The following SPACA6 variants were observed in gnomAD, a reference collection of about 807,000 sequenced individuals.
The protein encoded by SPACA6 is sperm acrosome associated 6.
For missense variants in SPACA6, 8 were observed against 2.8 expected, an observed-to-expected ratio of 2.88 and a Z score of -1.34; for synonymous variants, 6 against 1.5, an observed-to-expected ratio of 4.05 and a Z score of -2.21.
intron 2 of SPACA6, among the ~76,000 whole-genome samples, chr19:51,696,680 C>A (rs1384429691): frequency 6.6e-6 from 1 of 152,056 alleles, no homozygotes; most frequent in Non-Finnish European, 1.5e-5. Context: ...AACTCCTGGG[C>A]TCAAGTGATC....
downstream of SPACA6, among the ~76,000 whole-genome samples, chr19:51,709,531 C>CAAAAAAAA (rs56170768): frequency 1.7e-4 from 9 of 54,466 alleles, no homozygotes; most frequent in African/African-American, 6.3e-4. Flanking sequence ...AAAAAAAAGG[C>CAAAAAAAA]AAAAAAAAAA....
intron 2 of SPACA6, among the ~76,000 whole-genome samples, chr19:51,699,070 G>A (rs574132490): frequency 6.6e-6 from 1 of 152,294 alleles, no homozygotes; most frequent in Admixed American, 6.5e-5. Flanking sequence ...GAGGGCAGTG[G>A]TGCAATCATA....
At chr19:51,683,813 A>C in the SPACA6 span, among the ~76,000 whole-genome samples, 1 of 152,330 alleles carries the variant, frequency 6.6e-6, no homozygotes. Context: ...ACTGATGATG[A>C]AACTGAGACA....
intron 8 of SPACA6, 74 bp from the exon 9 acceptor site, chr19:51,705,016 G>C (rs1199625605): frequency 1.2e-5 from 3 of 248,964 alleles, no homozygotes; most frequent in Non-Finnish European, 1.9e-5. Flanking sequence ...TTTGACCCTG[G>C]TGTCCAGGCT....
chr19:51,706,752 C>A (rs1316648502), downstream of SPACA6, among the ~76,000 whole-genome samples: 1 of 152,112 alleles, frequency 6.6e-6, no homozygotes, highest in African/African-American at 2.4e-5. Flanking sequence ...CTCCACCTCC[C>A]GGGTTCAAGC....
At chr19:51,712,030 T>A (rs80072144) in intron 2 of SPACA6, 1 of 152,284 alleles carries the variant, frequency 6.6e-6, no homozygotes, top group East Asian at 1.9e-4. Context: ...TTCTTTTTTT[T>A]AGATGGAGTC....
chr19:51,692,878 G>A (rs369631196), upstream of SPACA6: 122 of 534,052 alleles, frequency 2.3e-4, 1 homozygote, highest in African/African-American at 1.7e-3. The surrounding 1 kb of genome is among the most constrained non-coding windows in gnomAD (Gnocchi z 5.6). Flanking sequence ...CGCCCTGCAC[G>A]GGACGGGGCC....
At chr19:51,692,076 AAAG>A (rs138807245), upstream of SPACA6, among the ~76,000 whole-genome samples, 6,537 of 152,170 alleles carry the variant, frequency 0.043, 184 homozygotes, top group South Asian at 0.1. The surrounding 1 kb of genome is among the most constrained non-coding windows in gnomAD (Gnocchi z 5.6). Flanking sequence ...TAAATGACCC[AAAG>A]AAGGGAGGAG....
Position 51,693,368 on chromosome 19 carries a change from T to C in SPACA6, c.-159T>C. ...CCACACACCTGGGGAATTGCTGGCC[T>C]GACTTCTGACCCCTGACTCCTCATA... On this transcript the variant is annotated 5_prime_UTR_variant, in exon 1 of 9. Coordinates refer to ENST00000637797, the MANE Select transcript of SPACA6 (RefSeq NM_001316972.2). The C allele has an allele frequency of 2.8e-6, 2 of 718,816 alleles. No individual in the cohort carries two copies. Among genetic ancestry groups the C allele is most frequent in the Non-Finnish European group, 5.3e-6 (2 of 380,404 alleles). 44.5% of individuals were successfully genotyped at this position (718,816 alleles called of 1,614,324 possible).
chr19:51,691,233 GA>G (rs1359876010), upstream of SPACA6, among the ~76,000 whole-genome samples: 4 of 151,382 alleles, frequency 2.6e-5, no homozygotes, highest in African/African-American at 9.7e-5. Flanking sequence ...GAGACCCAAA[GA>G]GAGAAGGGGG....
rs530165281 is a variant in SPACA6 at position 51,695,573 on chromosome 19, G to A, written c.292+1018G>A. Among the ~76,000 whole-genome samples the A allele has an allele frequency of 2.0e-5, 3 of 152,360 alleles. No homozygotes were observed. The East Asian group carries it at 5.8e-4, about 29-fold the overall frequency. On this transcript the variant is annotated intron_variant, in intron 2 of 8. Coordinates refer to ENST00000637797, the MANE Select transcript of SPACA6 (RefSeq NM_001316972.2). ...CAGGGCCAGCCTGGAGAAGGCCTCAGCTGTGGCTCTCCCCATCTCCACCCT... is the reference window on the plus strand; with the variant it reads ...CAGGGCCAGCCTGGAGAAGGCCTCAACTGTGGCTCTCCCCATCTCCACCCT...
At chr19:51,691,214 G>C, upstream of SPACA6, among the ~76,000 whole-genome samples, 1 of 150,600 alleles carries the variant, frequency 6.6e-6, no homozygotes, top group Non-Finnish European at 1.5e-5. Flanking sequence ...GAGAGAGAGA[G>C]AAGGGAGGGA....
downstream of SPACA6, among the ~76,000 whole-genome samples, chr19:51,708,944 G>A (rs1216089759): frequency 6.6e-6 from 1 of 152,158 alleles, no homozygotes; most frequent in Non-Finnish European, 1.5e-5. Flanking sequence ...AGGACAGCCG[G>A]GAGGACATCC....
At chr19:51,698,762 C>T (rs10408429) in intron 2 of SPACA6, among the ~76,000 whole-genome samples, 25,962 of 152,226 alleles carry the variant, frequency 0.17, 3,714 homozygotes, top group African/African-American at 0.39. Context: ...ACGCTTTCCC[C>T]TGTCCCTGCA....
chr19:51,700,773 G>A (rs2083462765), intron 2 of SPACA6, among the ~76,000 whole-genome samples: 1 of 152,186 alleles, frequency 6.6e-6, no homozygotes, highest in Admixed American at 6.5e-5. Flanking sequence ...ACAGATGAGA[G>A]CTAGGAATGA....
At chr19:51,700,694 A>T (rs963469692) in intron 2 of SPACA6, among the ~76,000 whole-genome samples, 2 of 152,158 alleles carry the variant, frequency 1.3e-5, no homozygotes, top group African/African-American at 4.8e-5. Context: ...GCTACAGAAG[A>T]ACATGTTTAT....
At chr19:51,683,078 G>A in the SPACA6 span, among the ~76,000 whole-genome samples, 21 of 152,200 alleles carry the variant, frequency 1.4e-4, no homozygotes, top group Admixed American at 4.6e-4. Context: ...GTATTCTCTC[G>A]CAGATGTGGA....
upstream of SPACA6, chr19:51,687,415 A>G (rs2083333530): frequency 6.6e-6 from 1 of 151,546 alleles, no homozygotes; most frequent in Non-Finnish European, 1.5e-5. Flanking sequence ...AATACAATGG[A>G]ATATTATATC....
downstream of SPACA6, among the ~76,000 whole-genome samples, chr19:51,705,664 C>G (rs1007011428): frequency 6.6e-6 from 1 of 151,824 alleles, no homozygotes; most frequent in African/African-American, 2.4e-5. Context: ...TCCACTGTAG[C>G]CCATTCTCTA....
Sources: gnomAD v4.1 joint callset for allele counts (sites outside exome capture counted in the v4.1 genomes callset) on GRCh38, gnomAD v4.1.1 for gene constraint, Gnocchi (gnomAD v3.1) non-coding constraint, MANE v1.5 for transcripts, NCBI Gene and HGNC (gene_info 2026-07-23, HGNC 2026-07-21) for gene names.